Variants in SERINC5 observed in about 807,000 individuals in gnomAD.
The protein encoded by SERINC5 is chromosome 5 open reading frame 12.
A neutral mutation model predicts 63.1 loss-of-function variants in SERINC5; 41 were observed. That is an observed-to-expected ratio of 0.65 (90% CI 0.51 to 0.84). The LOEUF (loss-of-function observed/expected upper bound fraction) is 0.84. Among genes scored for constraint, SERINC5 ranks in the 40% least tolerant of loss-of-function variants. The pLI, the probability that SERINC5 is intolerant of heterozygous loss-of-function variation, is 0.00. For synonymous variants in SERINC5, 222 were observed against 215.2 expected (o/e 1.03, Z -0.28); for missense variants, 523 against 573.0 (o/e 0.91, Z 0.89).
intron 11 of SERINC5, among the ~76,000 whole-genome samples, chr5:80,116,576 T>C (rs1744328633): frequency 6.6e-6 from 1 of 152,010 alleles, no homozygotes; most frequent in African/African-American, 2.4e-5. Context: ...GGGAAGAAGC[T>C]CAGTAACTGA....
downstream of SERINC5, among the ~76,000 whole-genome samples, chr5:80,134,008 A>G (rs1580036243): frequency 6.6e-6 from 1 of 152,202 alleles, no homozygotes; most frequent in African/African-American, 2.4e-5. Flanking sequence ...AGGGTCTCCA[A>G]AATACCTGTT....
At chr5:80,186,041 T>C (rs2112443810) in intron 2 of SERINC5, among the ~76,000 whole-genome samples, 1 of 139,316 alleles carries the variant, frequency 7.2e-6, no homozygotes, top group South Asian at 2.3e-4. Context: ...GGTGGGAAAC[T>C]GAACATCTTA....
intron 1 of SERINC5, among the ~76,000 whole-genome samples, chr5:80,241,112 A>G (rs1751920280): frequency 6.6e-6 from 1 of 152,174 alleles, no homozygotes; most frequent in African/African-American, 2.4e-5. Flanking sequence ...ACTAATGATA[A>G]AAGTTTTGAT....
At chr5:80,160,538 T>G (rs998851768) in intron 7 of SERINC5, among the ~76,000 whole-genome samples, 1 of 152,190 alleles carries the variant, frequency 6.6e-6, no homozygotes, top group African/African-American at 2.4e-5. Context: ...AACGTAACTA[T>G]GTATGCTGTG....
At chr5:80,123,958 G>A (rs1233382898) in intron 11 of SERINC5, among the ~76,000 whole-genome samples, 1 of 152,122 alleles carries the variant, frequency 6.6e-6, no homozygotes, top group African/African-American at 2.4e-5. Flanking sequence ...CACTTAACCA[G>A]GTAAATTTCA....
chr5:80,122,776 GA>G (rs1744600127), intron 11 of SERINC5, among the ~76,000 whole-genome samples: 1 of 152,232 alleles, frequency 6.6e-6, no homozygotes, highest in South Asian at 2.1e-4. Context: ...ACGTGAGAAG[GA>G]ATACCTCAAG....
chr5:80,159,209 G>A (rs1746730069), intron 7 of SERINC5, among the ~76,000 whole-genome samples: 1 of 152,142 alleles, frequency 6.6e-6, no homozygotes, highest in South Asian at 2.1e-4. Context: ...CAGTGCCATG[G>A]GGCTCAAACA....
chr5:80,253,293 C>T (rs774942099), intron 1 of SERINC5, among the ~76,000 whole-genome samples: 11 of 152,168 alleles, frequency 7.2e-5, no homozygotes, highest in Non-Finnish European at 1.2e-4. Flanking sequence ...TGCCAGGATT[C>T]GAGCTCCATC....
At chr5:80,122,252 G>A (rs114050857) in intron 11 of SERINC5, among the ~76,000 whole-genome samples, 1,703 of 146,496 alleles carry the variant, frequency 0.012, 24 homozygotes, top group African/African-American at 0.042. Context: ...CGATCACAAC[G>A]TCCCACAATA....
At chr5:80,170,453 G>C (rs556508352) in intron 5 of SERINC5, among the ~76,000 whole-genome samples, 1 of 152,272 alleles carries the variant, frequency 6.6e-6, no homozygotes, top group East Asian at 1.9e-4. Context: ...CACAAGGTTG[G>C]GAAGTCACAG....
At chr5:80,227,830 C>G (rs962645952) in intron 1 of SERINC5, among the ~76,000 whole-genome samples, 17 of 151,986 alleles carry the variant, frequency 1.1e-4, no homozygotes, top group African/African-American at 4.1e-4. Context: ...ACCTGGACGA[C>G]AGAGTGAGAC....
At chr5:80,126,946 A>C (rs906612884) in intron 11 of SERINC5, among the ~76,000 whole-genome samples, 1 of 152,126 alleles carries the variant, frequency 6.6e-6, no homozygotes, top group South Asian at 2.1e-4. Context: ...ATAAATATAT[A>C]CTCATCATCA....
chr5:80,237,612 A>G (rs940494659), intron 1 of SERINC5, among the ~76,000 whole-genome samples: 1 of 152,066 alleles, frequency 6.6e-6, no homozygotes, highest in Non-Finnish European at 1.5e-5. Context: ...TGGGATTACA[A>G]GCAAGAGCCA....
In SERINC5 at chr5:80,241,169, C is replaced by G. The variant is rs956205038; in HGVS notation, c.27+14727G>C. Reference sequence around the variant, plus strand: ...CTACATACTATAATCCTTAGAACATCTTAAGAAATAAAAAGGCAAGGCTGG... The same window carrying G: ...CTACATACTATAATCCTTAGAACATGTTAAGAAATAAAAAGGCAAGGCTGG... On this transcript the variant is annotated intron_variant, in intron 1 of 11. Coordinates refer to ENST00000507668, the MANE Select transcript of SERINC5 (RefSeq NM_001174072.3). Among the ~76,000 whole-genome samples the G allele has an allele frequency of 3.3e-5, 5 of 151,940 alleles. 1 individual carries two copies. Among genetic ancestry groups the G allele is most frequent in the African/African-American group, 1.2e-4 (5 of 41,372 alleles).
chr5:80,123,255 T>G (rs1247554413), intron 11 of SERINC5, among the ~76,000 whole-genome samples: 1 of 152,200 alleles, frequency 6.6e-6, no homozygotes, highest in South Asian at 2.1e-4. Flanking sequence ...GCCACCATAC[T>G]TGGCTGATTT....
intron 5 of SERINC5, among the ~76,000 whole-genome samples, chr5:80,172,294 C>T (rs1747721545): frequency 6.6e-6 from 1 of 152,164 alleles, no homozygotes; most frequent in African/African-American, 2.4e-5. Flanking sequence ...GCACTCTAGC[C>T]TGGGCAACAG....
At chr5:80,212,124 T>C (rs902541228) in intron 1 of SERINC5, among the ~76,000 whole-genome samples, 12 of 152,196 alleles carry the variant, frequency 7.9e-5, no homozygotes, top group African/African-American at 2.7e-4. Flanking sequence ...ATTCTGGAAA[T>C]ACAGGAGACC....
chr5:80,236,448 T>C (rs1287529912), intron 1 of SERINC5, among the ~76,000 whole-genome samples: 1 of 152,056 alleles, frequency 6.6e-6, no homozygotes, highest in Admixed American at 6.6e-5. Flanking sequence ...ACCAAAAATA[T>C]GTTTAAATTA....
At chr5:80,248,473 G>C (rs1752253432) in intron 1 of SERINC5, among the ~76,000 whole-genome samples, 1 of 152,152 alleles carries the variant, frequency 6.6e-6, no homozygotes. Context: ...TCAGAACAGG[G>C]CATAATTTAA....
Sources: allele counts gnomAD v4.1 joint callset (sites outside exome capture counted in the v4.1 genomes callset), GRCh38; gene constraint gnomAD v4.1.1; transcripts MANE v1.5; gene names NCBI Gene and HGNC (gene_info 2026-07-23, HGNC 2026-07-21).